The following DAB1 variants were observed in gnomAD, a reference collection of about 807,000 sequenced individuals.
The protein encoded by DAB1 is DAB adaptor protein 1.
Under a neutral mutation model 64.6 loss-of-function variants are expected in DAB1, and 15 were observed. The observed-to-expected ratio is 0.23, with a 90% CI of 0.16 to 0.36. The LOEUF (loss-of-function observed/expected upper bound fraction) is 0.36, where lower values mean the gene tolerates loss of function less well. Among genes scored for constraint, DAB1 ranks in the 10% least tolerant of loss-of-function variants. The probability of loss-of-function intolerance (pLI) is 1.00; values close to 1 mark genes in which losing one functional copy is unlikely to be tolerated. For missense variants in DAB1, 596 were observed against 706.7 expected (o/e 0.84, Z 1.78); for synonymous variants, 235 against 251.9 (o/e 0.93, Z 0.64).
At chr1:57,274,400 T>C (rs1012199792) in intron 2 of DAB1, among the ~76,000 whole-genome samples, 3 of 152,134 alleles carry the variant, frequency 2.0e-5, no homozygotes, top group African/African-American at 7.2e-5. Flanking sequence ...AATTTCAGTT[T>C]CCTCTTTTAA....
In DAB1 at chr1:57,094,125, AG is replaced by A. The variant is rs796383486; in HGVS notation, c.307-21712del. 2.3e-4 allele frequency among the ~76,000 whole-genome samples: 35 copies of A among 150,126 alleles called. 8 individuals are homozygous for A. The highest frequency in any genetic ancestry group is 3.3e-4 in the Non-Finnish European group (22 of 67,376). On this transcript the variant is annotated intron_variant, in intron 4 of 14. Coordinates refer to ENST00000371236, the MANE Select transcript of DAB1 (RefSeq NM_001365792.1). ...CTCTGCCTCAAAAAAAAAAAAAAAA[AG>A]GAATCTTGGAGTTGACATCTTCAAA... is the stretch of plus-strand genomic sequence containing the variant.
At chr1:57,949,553 C>T in intron 5 of DAB1, among the ~76,000 whole-genome samples, 1 of 145,824 alleles carries the variant, frequency 6.9e-6, no homozygotes, top group African/African-American at 2.6e-5. Context: ...TCTATCTACA[C>T]ACACACACAC....
At chr1:57,754,583 G>T (rs1648711214) in intron 6 of DAB1, among the ~76,000 whole-genome samples, 1 of 152,042 alleles carries the variant, frequency 6.6e-6, no homozygotes, top group Non-Finnish European at 1.5e-5. Context: ...CTACTCGGAA[G>T]GCTGAGGCAG....
Position 58,349,134 on chromosome 1 carries a change from C to G in DAB1, n.258-5731G>C, listed in dbSNP as rs1400989564. Among the ~76,000 whole-genome samples the G allele has an allele frequency of 2.6e-5, 4 of 152,298 alleles. No individual in the cohort carries two copies. In the East Asian group the frequency reaches 7.7e-4, roughly 29 times the overall value. ...TGGCACATGACATCAGGATGCTGAT[C>G]ACTCGGACCTTCTTCTTGGCTTGGG... On this transcript the variant is annotated intron_variant and non_coding_transcript_variant, in intron 3 of 20. Coordinates refer to the DAB1 transcript ENST00000485760.
At chr1:57,568,447 G>T (rs948150458) in intron 7 of DAB1, among the ~76,000 whole-genome samples, 6 of 152,184 alleles carry the variant, frequency 3.9e-5, no homozygotes, top group African/African-American at 1.4e-4. Flanking sequence ...AAACTAAAGA[G>T]CTTCTGCATA....
At chr1:58,006,565 G>A (rs988710303) in intron 5 of DAB1, among the ~76,000 whole-genome samples, 5 of 152,128 alleles carry the variant, frequency 3.3e-5, no homozygotes, top group African/African-American at 1.2e-4. Context: ...GCACTACAAG[G>A]ATTTTTCTTG....
intron 5 of DAB1, among the ~76,000 whole-genome samples, chr1:57,923,247 T>G (rs1644835547): frequency 6.6e-6 from 1 of 152,088 alleles, no homozygotes; most frequent in Non-Finnish European, 1.5e-5. Flanking sequence ...TGGGAAATGA[T>G]TTTGCTTGAA....
At chr1:57,997,488 T>C (rs1398521132) in intron 5 of DAB1, among the ~76,000 whole-genome samples, 1 of 152,162 alleles carries the variant, frequency 6.6e-6, no homozygotes, top group Admixed American at 6.5e-5. Context: ...TAAACTTGTC[T>C]TGGTCCCTCC....
At chr1:57,528,425 T>C (rs1476790554) in intron 7 of DAB1, among the ~76,000 whole-genome samples, 1 of 152,050 alleles carries the variant, frequency 6.6e-6, no homozygotes, top group Non-Finnish European at 1.5e-5. Flanking sequence ...AATTTCAGAA[T>C]GAGAGGAGAG....
chr1:57,087,315 TGGG>T (rs1410816927), intron 4 of DAB1, among the ~76,000 whole-genome samples: 1 of 152,194 alleles, frequency 6.6e-6, no homozygotes, highest in Non-Finnish European at 1.5e-5. Context: ...GAGCCTGGGC[TGGG>T]GGATCACGTA....
chr1:57,043,314 TA>T (rs1648034303), intron 9 of DAB1, among the ~76,000 whole-genome samples: 1 of 152,212 alleles, frequency 6.6e-6, no homozygotes, highest in Non-Finnish European at 1.5e-5. Flanking sequence ...CCAGTCTCTA[TA>T]AAGGCCACCA....
At chr1:58,194,581 C>T (rs770962228) in intron 4 of DAB1, among the ~76,000 whole-genome samples, 3 of 152,110 alleles carry the variant, frequency 2.0e-5, no homozygotes, top group South Asian at 2.1e-4. Context: ...CTCAATAAGT[C>T]GAAAGGTGGT....
chr1:57,680,733 C>T (rs1183893373), intron 6 of DAB1, among the ~76,000 whole-genome samples: 3 of 152,162 alleles, frequency 2.0e-5, no homozygotes, highest in Admixed American at 2.0e-4. Flanking sequence ...CTACATTCTC[C>T]TTTGCCATGT....
intron 2 of DAB1, among the ~76,000 whole-genome samples, chr1:57,146,927 T>A (rs1476193636): frequency 6.6e-6 from 1 of 152,188 alleles, no homozygotes; most frequent in Non-Finnish European, 1.5e-5. Flanking sequence ...CAATAAAGTA[T>A]CTACCTTACA....
At chr1:58,074,586 A>ATG (rs1191534750) in intron 5 of DAB1, among the ~76,000 whole-genome samples, 1 of 134,108 alleles carries the variant, frequency 7.5e-6, no homozygotes, top group Admixed American at 7.6e-5. Flanking sequence ...ATATATATAT[A>ATG]TATATATATT....
chr1:58,074,989 A>G (rs577150895), intron 5 of DAB1, among the ~76,000 whole-genome samples: 8 of 152,150 alleles, frequency 5.3e-5, no homozygotes, highest in Non-Finnish European at 8.8e-5. Context: ...CCAAAGCTGA[A>G]TTGTGAAGGT....
intron 2 of DAB1, among the ~76,000 whole-genome samples, chr1:57,152,207 C>G (rs1364925122): frequency 6.6e-6 from 1 of 152,162 alleles, no homozygotes; most frequent in African/African-American, 2.4e-5. Flanking sequence ...TCTGGCAGGT[C>G]AGGAGTGCCA....
intron 1 of DAB1, among the ~76,000 whole-genome samples, chr1:57,343,867 C>A (rs1241393404): frequency 6.6e-6 from 1 of 152,238 alleles, no homozygotes; most frequent in Non-Finnish European, 1.5e-5. Context: ...AGTGCATCAG[C>A]GGGCTGAAGG....
intron 4 of DAB1, among the ~76,000 whole-genome samples, chr1:57,088,620 C>A (rs1185226702): frequency 6.6e-6 from 1 of 152,144 alleles, no homozygotes; most frequent in Non-Finnish European, 1.5e-5. Context: ...CCAGTGCCCA[C>A]CTCCAGCTTT....
Sources: allele counts gnomAD v4.1 joint callset (sites outside exome capture counted in the v4.1 genomes callset), GRCh38; gene constraint gnomAD v4.1.1; transcripts MANE v1.5; gene names NCBI Gene and HGNC (gene_info 2026-07-23, HGNC 2026-07-21).